The following PDZD2 variants were observed in gnomAD, a reference collection of about 807,000 sequenced individuals.
PDZD2 encodes the protein PDZ domain containing 2.
PDZD2 carries 90 observed loss-of-function variants against 220.7 expected under a neutral mutation model. That is an observed-to-expected ratio of 0.41 (90% CI 0.34 to 0.49). PDZD2 has a LOEUF of 0.49. PDZD2 is among the 20% of genes least tolerant of loss of function. PDZD2 has a pLI of 0.28. For missense variants in PDZD2, 3,174 were observed against 3,608.5 expected (o/e 0.88, Z 3.08); for synonymous variants, 1,375 against 1,450.5 (o/e 0.95, Z 1.18).
chr5:31,977,646 C>T (rs1200205147), intron 2 of PDZD2, among the ~76,000 whole-genome samples: 4 of 152,136 alleles, frequency 2.6e-5, no homozygotes, highest in Non-Finnish European at 4.4e-5. Flanking sequence ...AGGAGGAGGA[C>T]GTGATGTGTC....
intron 1 of PDZD2, among the ~76,000 whole-genome samples, chr5:31,653,879 G>A (rs1461382874): frequency 2.0e-5 from 3 of 152,176 alleles, no homozygotes; most frequent in African/African-American, 7.2e-5. Flanking sequence ...CCACCTCCCA[G>A]GTTCAAGCGA....
chr5:31,676,654 A>C (rs1160645649), intron 1 of PDZD2, among the ~76,000 whole-genome samples: 2 of 150,924 alleles, frequency 1.3e-5, no homozygotes, highest in East Asian at 2.0e-4. Flanking sequence ...CCTGGGTCCA[A>C]GCGATTCTCC....
intron 2 of PDZD2, among the ~76,000 whole-genome samples, chr5:31,871,910 C>T (rs1215702188): frequency 6.6e-6 from 1 of 152,130 alleles, no homozygotes; most frequent in East Asian, 1.9e-4. Flanking sequence ...ATGGCAGCCT[C>T]AACCTCCTGG....
chr5:32,089,792 G>A lies in PDZD2; in HGVS notation c.6344G>A (p.Arg2115Gln), dbSNP rs143320088. ...CGNKPAESDR[R>Q]GGCLAQGNCQ... ...AACAAGCCAGCTGAAAGCGACAGAC[G>A]GGGAGGGTGCTTGGCCCAGGGCAAC... is the stretch of plus-strand genomic sequence containing the variant. The change falls in exon 20 of 25, where the codon CGG (arginine) becomes CAG (glutamine). Residue 2115 changes from arginine (R) to glutamine (Q), a missense_variant. Physicochemically the swap from Arg to Gln is conservative, Grantham distance 43. This residue lies in a region of PDZD2 where 1,861 missense variants were observed against 2,001.0 expected (regional missense o/e 0.93). Transcript: ENST00000438447. 1.3e-5 allele frequency: 21 copies of A among 1,614,074 alleles called. No individual in the cohort carries two copies. Among genetic ancestry groups the A allele is most frequent in the South Asian group, 2.2e-5 (2 of 91,090 alleles).
intron 1 of PDZD2, chr5:31,692,894 G>C (rs1290030048): frequency 6.6e-6 from 1 of 152,422 alleles, no homozygotes; most frequent in Non-Finnish European, 1.5e-5. Context: ...GGGAATCGGC[G>C]TCTTTCCCAG....
At chr5:31,920,390 G>GC (rs55722800) in intron 2 of PDZD2, among the ~76,000 whole-genome samples, 4,305 of 148,958 alleles carry the variant, frequency 0.029, 87 homozygotes, top group Non-Finnish European at 0.045. Flanking sequence ...CATGATCAAC[G>GC]CCCCCCCCCC....
rs566294341 is a variant in PDZD2, at chr5:31,822,636, TA to T, written c.476+22914del. On this transcript the variant is annotated intron_variant, in intron 2 of 24. Transcript: ENST00000438447. ...AAAAATTTCCTGATATCCTTGTTTT[TA>T]ACCTTGTGGCTTGCTGAATCAAAGC... 1,290 of 1,329,066 alleles carry T rather than the reference TA, an allele frequency of 9.7e-4. 13 individuals carry two copies. The African/African-American group carries it at 0.017, about 18-fold the overall frequency. The allele number at this position is 1,329,066 out of a possible 1,614,324, so 82.3% of individuals were successfully genotyped here.
At position 31,880,792 on chromosome 5, in the gene PDZD2, T is replaced by TTTTTCC. The variant is rs1561536909; in HGVS notation, c.476+81072_476+81073insCCTTTT. 6.4e-4 allele frequency among the ~76,000 whole-genome samples: 51 copies of TTTTTCC among 79,926 alleles called. 2 individuals carry two copies. Among genetic ancestry groups the TTTTTCC allele is most frequent in the African/African-American group, 3.5e-3 (45 of 12,780 alleles). 52.4% of individuals were successfully genotyped at this position (79,926 alleles called of 152,430 possible). A position where few individuals can be genotyped will look rare whatever the true frequency, so the allele number is the denominator to read the frequency against. ...GAAAGGTAGCTTTCTTTTTTTTTTCTTTTTTTTTTTTTTTTTTTTTTTTTT... is the reference window on the plus strand; with the variant it reads ...GAAAGGTAGCTTTCTTTTTTTTTTCTTTTTCCTTTTTTTTTTTTTTTTTTTTTTTTT... On this transcript the variant is annotated intron_variant, in intron 2 of 24. Coordinates refer to ENST00000438447, the MANE Select transcript of PDZD2 (RefSeq NM_178140.4).
At chr5:31,970,554 G>A (rs551081898) in intron 2 of PDZD2, among the ~76,000 whole-genome samples, 1 of 151,982 alleles carries the variant, frequency 6.6e-6, no homozygotes, top group African/African-American at 2.4e-5. Flanking sequence ...TACTCCAAAG[G>A]CTGAGGCAGG....
chr5:31,891,649 C>T (rs950381736), intron 2 of PDZD2, among the ~76,000 whole-genome samples: 1 of 138,412 alleles, frequency 7.2e-6, no homozygotes, highest in African/African-American at 2.6e-5. Flanking sequence ...GGAGAAGTGG[C>T]ATTGTGGGCA....
intron 2 of PDZD2, among the ~76,000 whole-genome samples, chr5:31,927,662 A>G (rs1744916599): frequency 6.6e-6 from 1 of 151,994 alleles, no homozygotes; most frequent in South Asian, 2.1e-4. Context: ...TGGGATTACA[A>G]GCATGATCCA....
intron 6 of PDZD2, among the ~76,000 whole-genome samples, chr5:32,024,401 G>A (rs1040989677): frequency 2.0e-5 from 3 of 152,114 alleles, no homozygotes; most frequent in Non-Finnish European, 4.4e-5. Context: ...CAATTAACGG[G>A]GCCGGGCATG....
intron 24 of PDZD2, among the ~76,000 whole-genome samples, chr5:32,102,621 C>T (rs1403415738): frequency 6.6e-6 from 1 of 151,962 alleles, no homozygotes; most frequent in Non-Finnish European, 1.5e-5. Context: ...TGTGGCAACT[C>T]GACTATAAGA....
chr5:31,669,136 G>A (rs573297944), intron 1 of PDZD2, among the ~76,000 whole-genome samples: 35 of 151,936 alleles, frequency 2.3e-4, no homozygotes, highest in Non-Finnish European at 3.4e-4. Context: ...CAGGCCATGC[G>A]TGTTGCTTTA....
chr5:31,893,010 T>C (rs942318201), intron 2 of PDZD2, among the ~76,000 whole-genome samples: 1 of 152,168 alleles, frequency 6.6e-6, no homozygotes, highest in Non-Finnish European at 1.5e-5. Flanking sequence ...AGGGAGGGTT[T>C]TCCTAGAGGG....
intron 1 of PDZD2, among the ~76,000 whole-genome samples, chr5:31,689,336 C>CATATATATAT (rs200801339): frequency 2.7e-4 from 15 of 55,220 alleles, no homozygotes; most frequent in East Asian, 1.9e-3. Context: ...TATACATATA[C>CATATATATAT]ATATATATAT....
chr5:31,969,531 A>AAAAAAAAAAAAAAAAAAC (rs1749095050), intron 2 of PDZD2, among the ~76,000 whole-genome samples: 25 of 145,640 alleles, frequency 1.7e-4, no homozygotes, highest in Admixed American at 3.5e-4. Context: ...AAAAAAAAAA[A>AAAAAAAAAAAAAAAAAAC]AAAACAATGG....
chr5:31,933,275 C>T (rs530947885), intron 2 of PDZD2, among the ~76,000 whole-genome samples: 29 of 152,304 alleles, frequency 1.9e-4, no homozygotes, highest in South Asian at 8.3e-4. Flanking sequence ...TTCCTTTTTA[C>T]GGCTGAATAG....
At position 32,056,092 on chromosome 5, in the gene PDZD2, G is replaced by A. The variant is rs566261933; in HGVS notation, c.1901-1563G>A. 1.0e-3 allele frequency among the ~76,000 whole-genome samples: 159 copies of A among 152,302 alleles called. 1 individual carries two copies. Among genetic ancestry groups the A allele is most frequent in the African/African-American group, 3.8e-3 (156 of 41,570 alleles). On this transcript the variant is annotated intron_variant, in intron 10 of 24. Coordinates refer to ENST00000438447, the MANE Select transcript of PDZD2 (RefSeq NM_178140.4). ...GAGTGATACTTCTTTAAAAAACTTT[G>A]CATACATTTTAAGAGTGCGAGTAAT... is the stretch of plus-strand genomic sequence containing the variant.
Sources: gnomAD v4.1 joint callset for allele counts (sites outside exome capture counted in the v4.1 genomes callset) on GRCh38, gnomAD v4.1.1 for gene constraint, gnomAD v4.1.1 regional missense constraint, MANE v1.5 for transcripts, NCBI Gene and HGNC (gene_info 2026-07-23, HGNC 2026-07-21) for gene names.